CCSER1: variants seen among roughly 807,000 people sequenced by gnomAD.
The protein encoded by CCSER1 is serine-rich coiled-coil domain-containing protein 1.
In CCSER1, 41 loss-of-function variants were observed where a neutral mutation model predicts 82.0. That is an observed-to-expected ratio of 0.50 (90% CI 0.39 to 0.65). CCSER1 has a LOEUF of 0.65. Ranked by LOEUF, CCSER1 falls within the 30% of genes least tolerant of loss-of-function variation. The pLI is 0.00. For synonymous variants in CCSER1, 414 were observed against 383.9 expected (o/e 1.08, Z -0.92); for missense variants, 1,119 against 1,064.2 (o/e 1.05, Z -0.72).
At chr4:91,186,372 C>G (rs1196834455) in intron 10 of CCSER1, among the ~76,000 whole-genome samples, 1 of 152,102 alleles carries the variant, frequency 6.6e-6, no homozygotes, top group Non-Finnish European at 1.5e-5. Flanking sequence ...CATGATTAAC[C>G]TGATGCTTCC....
chr4:91,364,803 G>C (rs1362872170), intron 10 of CCSER1, among the ~76,000 whole-genome samples: 1 of 152,000 alleles, frequency 6.6e-6, no homozygotes, highest in East Asian at 1.9e-4. Context: ...TTGTGGATCT[G>C]AGCTAAGTTT....
chr4:90,823,067 T>C (rs931531426), intron 8 of CCSER1, among the ~76,000 whole-genome samples: 1 of 152,166 alleles, frequency 6.6e-6, no homozygotes, highest in African/African-American at 2.4e-5. Context: ...TTTTAAGCAG[T>C]AAGGGAATAC....
At chr4:90,200,202 A>G (rs1737421850) in intron 1 of CCSER1, among the ~76,000 whole-genome samples, 1 of 152,082 alleles carries the variant, frequency 6.6e-6, no homozygotes, top group African/African-American at 2.4e-5. Context: ...TCCTTCCCAG[A>G]GTACATGTCT....
At chr4:90,625,956 A>C (rs1184042697) in intron 5 of CCSER1, among the ~76,000 whole-genome samples, 1 of 152,190 alleles carries the variant, frequency 6.6e-6, no homozygotes, top group Non-Finnish European at 1.5e-5. Flanking sequence ...CTTCACACGA[A>C]TATGATTCCT....
At chr4:90,428,663 G>GA (rs1757859815) in intron 4 of CCSER1, among the ~76,000 whole-genome samples, 1 of 151,806 alleles carries the variant, frequency 6.6e-6, no homozygotes, top group African/African-American at 2.4e-5. Flanking sequence ...GGAGGAGAAG[G>GA]AAGAGAAGGG....
At position 90,574,251 on chromosome 4, in the gene CCSER1, A is replaced by ATTTTTTTTT. The variant is rs777629017; in HGVS notation, c.1725-53754_1725-53746dup. Among the ~76,000 whole-genome samples the ATTTTTTTTT allele has an allele frequency of 8.6e-4, 74 of 86,072 alleles. 7 individuals are homozygous for ATTTTTTTTT. The highest frequency in any genetic ancestry group is 4.3e-3 in the African/African-American group (70 of 16,456). The allele number at this position is 86,072 out of a possible 152,430, so 56.5% of individuals were successfully genotyped here. On this transcript the variant is annotated intron_variant, in intron 5 of 10. Transcript: ENST00000509176. ...CCATATAGCTTGTAGAAACACATTAATTTTTTTTTTTTTTTTTTTTTTTTT... is the reference window on the plus strand; with the variant it reads ...CCATATAGCTTGTAGAAACACATTAATTTTTTTTTTTTTTTTTTTTTTTTTTTTTTTTTT...
At chr4:91,510,390 G>C (rs1338874934) in intron 10 of CCSER1, among the ~76,000 whole-genome samples, 9 of 152,108 alleles carry the variant, frequency 5.9e-5, no homozygotes, top group Admixed American at 4.6e-4. Flanking sequence ...TCTATTTTTA[G>C]TTCTTTGAGA....
At chr4:90,504,576 C>G (rs749271010) in intron 5 of CCSER1, among the ~76,000 whole-genome samples, 1 of 152,140 alleles carries the variant, frequency 6.6e-6, no homozygotes, top group Non-Finnish European at 1.5e-5. Context: ...TCGGGACTGG[C>G]CATTGTCTCC....
At chr4:90,424,664 TAGA>T (rs1030739458) in intron 4 of CCSER1, among the ~76,000 whole-genome samples, 3 of 152,202 alleles carry the variant, frequency 2.0e-5, no homozygotes, top group Non-Finnish European at 4.4e-5. Context: ...CCTGTGAAAC[TAGA>T]AGAAGCCAGC....
chr4:90,598,131 A>G (rs182945237), intron 5 of CCSER1, among the ~76,000 whole-genome samples: 69 of 152,222 alleles, frequency 4.5e-4, no homozygotes, highest in African/African-American at 1.6e-3. Context: ...GGGAGTGGTG[A>G]TTTCATATCT....
intron 10 of CCSER1, among the ~76,000 whole-genome samples, chr4:91,202,957 TAAAG>T (rs1736052848): frequency 6.6e-6 from 1 of 151,474 alleles, no homozygotes; most frequent in South Asian, 2.1e-4. Flanking sequence ...ATGTTGTTGT[TAAAG>T]AATATCTTAA....
chr4:91,217,177 G>T (rs1581787614), intron 10 of CCSER1, among the ~76,000 whole-genome samples: 1 of 152,158 alleles, frequency 6.6e-6, no homozygotes, highest in African/African-American at 2.4e-5. Context: ...GACCCAAAGA[G>T]TAAGCAGTAG....
In CCSER1 at chr4:91,193,167, T is replaced by TGGTTATTTGAATCTAAGTAA. The variant is rs1735143526; in HGVS notation, c.2217+107175_2217+107194dup. On this transcript the variant is annotated intron_variant, in intron 10 of 10. Coordinates refer to ENST00000509176, the MANE Select transcript of CCSER1 (RefSeq NM_001145065.2). ...CAGAGCCTTTTACCTCAGTGTTGCT[T>TGGTTATTTGAATCTAAGTAA]GGTTATTTGAATCTAAGTAAGTTTC... Among the ~76,000 whole-genome samples the TGGTTATTTGAATCTAAGTAA allele has an allele frequency of 2.0e-5, 3 of 152,188 alleles. No homozygotes were observed. The South Asian group carries it at 6.2e-4, about 31-fold the overall frequency.
intron 3 of CCSER1, among the ~76,000 whole-genome samples, chr4:90,391,444 G>GTATATATATA (rs770320334): frequency 5.6e-4 from 21 of 37,482 alleles, no homozygotes; most frequent in South Asian, 1.1e-3. Flanking sequence ...ATATATGGGG[G>GTATATATATA]TATATATATA....
intron 10 of CCSER1, among the ~76,000 whole-genome samples, chr4:91,176,129 G>A (rs1185423056): frequency 6.6e-6 from 1 of 152,168 alleles, no homozygotes; most frequent in African/African-American, 2.4e-5. Flanking sequence ...CAGATCAGAT[G>A]GTTGTAGATG....
At chr4:90,408,346 C>A (rs1342098360) in intron 4 of CCSER1, among the ~76,000 whole-genome samples, 1 of 152,228 alleles carries the variant, frequency 6.6e-6, no homozygotes, top group Non-Finnish European at 1.5e-5. Flanking sequence ...TCAAGTGGGT[C>A]CCTGACCCCC....
intron 4 of CCSER1, among the ~76,000 whole-genome samples, chr4:90,467,861 G>A (rs1333470120): frequency 6.6e-6 from 1 of 152,152 alleles, no homozygotes; most frequent in African/African-American, 2.4e-5. Context: ...AGGATTTAGG[G>A]TGCTGGTGAT....
chr4:90,460,952 A>C (rs1288390684), intron 4 of CCSER1, among the ~76,000 whole-genome samples: 7 of 151,726 alleles, frequency 4.6e-5, no homozygotes, highest in African/African-American at 1.7e-4. Flanking sequence ...CTGCTACTTC[A>C]AATAATAAGA....
rs1339623497 is a variant in CCSER1, at chr4:91,600,800, A to C, written c.*1743A>C. The C allele has an allele frequency of 6.6e-6, 1 of 151,930 alleles. No homozygotes were observed. Among genetic ancestry groups the C allele is most frequent in the Non-Finnish European group, 1.5e-5 (1 of 68,006 alleles). The allele number at this position is 151,930 out of a possible 1,614,324, so 9.4% of individuals were successfully genotyped here. ...TGTGCATCAAGGCAGACATTTGCCA[A>C]ATGTTTTCTTTCTTTGCGTGTTTGT... On this transcript the variant is annotated 3_prime_UTR_variant, in exon 11 of 11. Transcript: ENST00000509176.
Sources: allele counts gnomAD v4.1 joint callset (sites outside exome capture counted in the v4.1 genomes callset), GRCh38; gene constraint gnomAD v4.1.1; transcripts MANE v1.5; gene names NCBI Gene and HGNC (gene_info 2026-07-23, HGNC 2026-07-21).